The following LRRC4C variants were observed in gnomAD, a reference collection of about 807,000 sequenced individuals.
LRRC4C encodes the protein leucine rich repeat containing 4C, also known as leucine-rich repeat-containing protein 4C.
LRRC4C carries 5 observed loss-of-function variants against 33.6 expected under a neutral mutation model. The observed-to-expected ratio is 0.15, with a 90% confidence interval of 0.08 to 0.31. LRRC4C has a LOEUF of 0.31. LRRC4C is among the 10% of genes least tolerant of loss of function. The pLI is 1.00. For missense variants in LRRC4C, 560 were observed against 796.7 expected (o/e 0.70, Z 3.58); for synonymous variants, 329 against 302.0 (o/e 1.09, Z -0.93).
intron 3 of LRRC4C, among the ~76,000 whole-genome samples, chr11:40,475,696 C>T (rs193206677): frequency 1.3e-5 from 2 of 152,222 alleles, no homozygotes; most frequent in Non-Finnish European, 2.9e-5. Flanking sequence ...GAGTCCTGTC[C>T]TATTCTTTGA....
chr11:40,403,888 T>G (rs1949859931), intron 3 of LRRC4C, among the ~76,000 whole-genome samples: 1 of 152,120 alleles, frequency 6.6e-6, no homozygotes, highest in Admixed American at 6.6e-5. Context: ...ACACTTCCAC[T>G]GTCCAAAATT....
At chr11:41,013,459 T>C (rs960046643) in intron 1 of LRRC4C, among the ~76,000 whole-genome samples, 2 of 152,230 alleles carry the variant, frequency 1.3e-5, no homozygotes, top group African/African-American at 4.8e-5. Context: ...AGACATCTTT[T>C]TGATAAAACT....
At chr11:40,187,913 G>C (rs1305379222) in intron 5 of LRRC4C, among the ~76,000 whole-genome samples, 1 of 152,196 alleles carries the variant, frequency 6.6e-6, no homozygotes, top group Non-Finnish European at 1.5e-5. Flanking sequence ...CGGGGAAAGA[G>C]AAGGAGAGAG....
intron 1 of LRRC4C, among the ~76,000 whole-genome samples, chr11:41,044,212 T>C (rs1412792118): frequency 6.6e-6 from 1 of 152,110 alleles, no homozygotes; most frequent in Non-Finnish European, 1.5e-5. Context: ...ATGCAGATTC[T>C]AGTAACATGA....
chr11:40,985,396 T>C (rs1232482758), intron 1 of LRRC4C, among the ~76,000 whole-genome samples: 2 of 152,144 alleles, frequency 1.3e-5, no homozygotes, highest in African/African-American at 2.4e-5. Flanking sequence ...ATCATAACTA[T>C]GGTAACAAAG....
intron 1 of LRRC4C, among the ~76,000 whole-genome samples, chr11:41,054,457 G>T (rs1342988767): frequency 6.6e-6 from 1 of 152,142 alleles, no homozygotes; most frequent in Non-Finnish European, 1.5e-5. Flanking sequence ...TAGAAAATAT[G>T]TCAAAGATTT....
intron 4 of LRRC4C, among the ~76,000 whole-genome samples, chr11:40,257,116 T>C (rs1177992735): frequency 6.6e-6 from 1 of 152,146 alleles, no homozygotes; most frequent in East Asian, 1.9e-4. Context: ...AGTTGACCCC[T>C]TGCCAAGAAA....
chr11:40,555,041 T>A (rs1315191127), intron 3 of LRRC4C, among the ~76,000 whole-genome samples: 1 of 152,094 alleles, frequency 6.6e-6, no homozygotes, highest in African/African-American at 2.4e-5. Flanking sequence ...CATTCTTGAT[T>A]TGGCTATTTA....
intron 2 of LRRC4C, among the ~76,000 whole-genome samples, chr11:40,815,345 G>T (rs1951663971): frequency 6.6e-6 from 1 of 152,178 alleles, no homozygotes; most frequent in Admixed American, 6.5e-5. Flanking sequence ...CACTCACCAG[G>T]TCCCTCCCAC....
chr11:40,779,116 T>C (rs1229242566), intron 2 of LRRC4C, among the ~76,000 whole-genome samples: 1 of 151,690 alleles, frequency 6.6e-6, no homozygotes, highest in Non-Finnish European at 1.5e-5. Context: ...AGAACCAGAG[T>C]AGTAGTAGTG....
chr11:41,157,908 T>G (rs1250083250), intron 1 of LRRC4C, among the ~76,000 whole-genome samples: 1 of 152,170 alleles, frequency 6.6e-6, no homozygotes, highest in African/African-American at 2.4e-5. Context: ...AACAATCCAA[T>G]TATACTCTTT....
intron 1 of LRRC4C, among the ~76,000 whole-genome samples, chr11:41,236,864 A>T (rs1015645783): frequency 3.9e-5 from 6 of 152,212 alleles, no homozygotes; most frequent in Admixed American, 1.3e-4. Context: ...CTTCAAAATG[A>T]ATCATTGTAG....
intron 3 of LRRC4C, among the ~76,000 whole-genome samples, chr11:40,344,156 C>G: frequency 6.6e-6 from 1 of 152,070 alleles, no homozygotes; most frequent in East Asian, 1.9e-4. Context: ...TTCTATGAGG[C>G]CAGCATCATC....
At chr11:40,145,483 A>G (rs559329885) in intron 5 of LRRC4C, among the ~76,000 whole-genome samples, 61 of 152,300 alleles carry the variant, frequency 4.0e-4, no homozygotes, top group Non-Finnish European at 8.4e-4. Context: ...AACCTCAAAT[A>G]TTCAATTTGT....
chr11:40,981,074 G>A (rs1852483589), intron 1 of LRRC4C, among the ~76,000 whole-genome samples: 1 of 152,296 alleles, frequency 6.6e-6, no homozygotes, highest in South Asian at 2.1e-4. Flanking sequence ...ACAGCTAGTC[G>A]GGTATGGGGG....
intron 1 of LRRC4C, among the ~76,000 whole-genome samples, chr11:41,287,696 C>T (rs781766607): frequency 2.0e-5 from 3 of 152,058 alleles, no homozygotes; most frequent in Non-Finnish European, 2.9e-5. Flanking sequence ...TTTGTGAAAC[C>T]GCTTATAAAA....
chr11:40,632,415 T>C (rs909817487), intron 3 of LRRC4C, among the ~76,000 whole-genome samples: 4 of 152,192 alleles, frequency 2.6e-5, no homozygotes, highest in African/African-American at 7.2e-5. Flanking sequence ...AGTAGATTGA[T>C]GATGTAGTTC....
At chr11:41,098,252 A>G (rs150247786) in intron 1 of LRRC4C, among the ~76,000 whole-genome samples, 48 of 152,248 alleles carry the variant, frequency 3.2e-4, no homozygotes, top group African/African-American at 1.1e-3. Context: ...CATTGTCTTT[A>G]GGGTTCTAGA....
At chr11:40,231,107 T>A (rs1284761127) in intron 5 of LRRC4C, among the ~76,000 whole-genome samples, 1 of 152,082 alleles carries the variant, frequency 6.6e-6, no homozygotes, top group Non-Finnish European at 1.5e-5. Flanking sequence ...TGGCACATGC[T>A]TGTAGTCCCA....
Sources: gnomAD v4.1 joint callset for allele counts (sites outside exome capture counted in the v4.1 genomes callset) on GRCh38, gnomAD v4.1.1 for gene constraint, MANE v1.5 for transcripts, NCBI Gene and HGNC (gene_info 2026-07-23, HGNC 2026-07-21) for gene names.